The following RBFOX1 variants were observed in gnomAD, a reference collection of about 807,000 sequenced individuals.
The protein encoded by RBFOX1 is RNA binding fox-1 homolog 1.
Under a neutral mutation model 57.7 loss-of-function variants are expected in RBFOX1, and 8 were observed. The observed-to-expected ratio is 0.14, with a 90% CI of 0.08 to 0.25. The LOEUF is 0.25. Among genes scored for constraint, RBFOX1 ranks in the 10% least tolerant of loss-of-function variants. The pLI, the probability that RBFOX1 is intolerant of heterozygous loss-of-function variation, is 1.00. For missense variants in RBFOX1, 611 were observed against 548.5 expected, an observed-to-expected ratio of 1.11 and a Z score of -1.14; for synonymous variants, 326 against 222.4, an observed-to-expected ratio of 1.47 and a Z score of -4.15.
In RBFOX1 at chr16:5,947,376, C is replaced by T. The variant is rs2059421655; in HGVS notation, c.351+80041C>T. Among the ~76,000 whole-genome samples, 1 of 152,120 alleles carries T rather than the reference C, an allele frequency of 6.6e-6. No homozygotes were observed. The highest frequency in any genetic ancestry group is 1.5e-5 in the Non-Finnish European group (1 of 68,020). On this transcript the variant is annotated intron_variant, in intron 4 of 19. Transcript: ENST00000641259. This position sits in a 1 kb window ranked among gnomAD's most constrained non-coding sequence, Gnocchi z 7.2. ...TACATTGCAATGACAGATTTTTGTT[C>T]TGTTTTGTTTTCAGACAGGGTCTTG...
intron 2 of RBFOX1, among the ~76,000 whole-genome samples, chr16:6,544,749 T>C (rs1447728128): frequency 6.6e-6 from 1 of 152,186 alleles, no homozygotes; most frequent in Non-Finnish European, 1.5e-5. Flanking sequence ...CACATGGAGA[T>C]GATAACACTC....
intron 2 of RBFOX1, among the ~76,000 whole-genome samples, chr16:6,446,521 A>G (rs1468696276): frequency 6.6e-6 from 1 of 152,174 alleles, no homozygotes; most frequent in Non-Finnish European, 1.5e-5. Context: ...TACTCAATAT[A>G]TATGTATCAA....
intron 1 of RBFOX1, among the ~76,000 whole-genome samples, chr16:6,099,806 C>G (rs1479121833): frequency 1.3e-5 from 2 of 152,178 alleles, no homozygotes; most frequent in Non-Finnish European, 1.5e-5. Context: ...TCCGGGCATC[C>G]TTCCCTTTTC....
chr16:5,753,497 GC>G (rs1326491502), intron 3 of RBFOX1, among the ~76,000 whole-genome samples: 1 of 152,126 alleles, frequency 6.6e-6, no homozygotes, highest in Admixed American at 6.5e-5. Flanking sequence ...TAAATATGCG[GC>G]AACGGAGTTG....
intron 1 of RBFOX1, among the ~76,000 whole-genome samples, chr16:6,032,428 T>G (rs1034291399): frequency 6.6e-6 from 1 of 152,036 alleles, no homozygotes; most frequent in Non-Finnish European, 1.5e-5. Flanking sequence ...ATTGCTTCAC[T>G]GAAAGAAAGA....
intron 8 of RBFOX1, among the ~76,000 whole-genome samples, chr16:7,596,750 G>C (rs2094720911): frequency 6.6e-6 from 1 of 152,126 alleles, no homozygotes; most frequent in South Asian, 2.1e-4. Context: ...TACTCAGATT[G>C]TTAACCCCAT....
intron 4 of RBFOX1, among the ~76,000 whole-genome samples, chr16:6,008,551 C>T (rs983026410): frequency 9.2e-5 from 14 of 152,112 alleles, no homozygotes; most frequent in South Asian, 6.2e-4. Flanking sequence ...ATCAAGATTG[C>T]GGTTAAGGTT....
chr16:7,512,737 C>A (rs1211665574), intron 4 of RBFOX1, among the ~76,000 whole-genome samples: 1 of 152,218 alleles, frequency 6.6e-6, no homozygotes, highest in Non-Finnish European at 1.5e-5. Flanking sequence ...CCTTGCCTTT[C>A]CTCGGATAGC....
At chr16:7,264,994 G>C (rs2095071274) in intron 4 of RBFOX1, among the ~76,000 whole-genome samples, 1 of 152,174 alleles carries the variant, frequency 6.6e-6, no homozygotes, top group African/African-American at 2.4e-5. Flanking sequence ...GAATCCATTT[G>C]CGGTTTTCAA....
chr16:5,709,258 G>C (rs2051364207), intron 3 of RBFOX1, among the ~76,000 whole-genome samples: 1 of 152,156 alleles, frequency 6.6e-6, no homozygotes, highest in South Asian at 2.1e-4. Context: ...AGGATGCCAG[G>C]CAGCAAAGAC....
At chr16:5,866,016 G>A (rs1597557508) in intron 3 of RBFOX1, among the ~76,000 whole-genome samples, 1 of 152,120 alleles carries the variant, frequency 6.6e-6, no homozygotes, top group African/African-American at 2.4e-5. Flanking sequence ...TGCCCAGGCT[G>A]GAGTGCAATG....
rs571629797 is a variant in RBFOX1, at chr16:6,273,037, G to A, written c.-126-43958G>A. Among the ~76,000 whole-genome samples, 4 of 152,026 alleles carry A rather than the reference G, an allele frequency of 2.6e-5. No homozygotes were observed. In the East Asian group the frequency reaches 5.9e-4, roughly 22 times the overall value. On this transcript the variant is annotated intron_variant, in intron 1 of 15. Transcript: ENST00000550418. ...CACTTTGGGAGGCTGAGGCAGGTGA[G>A]TCACCCGAGGTCAGGAGTTCAAGAC... is the stretch of plus-strand genomic sequence containing the variant.
chr16:6,554,731 CACACACACACACACACACACACACACAG>C (rs1776518579), intron 2 of RBFOX1, among the ~76,000 whole-genome samples: 2 of 3,214 alleles, frequency 6.2e-4, no homozygotes, highest in Non-Finnish European at 8.5e-3. Context: ...CACAGACACA[CACACACACACACACACACACACACACAG>C]ACACACACAC....
At chr16:6,435,157 G>A (rs143550293) in intron 2 of RBFOX1, among the ~76,000 whole-genome samples, 19 of 152,058 alleles carry the variant, frequency 1.2e-4, no homozygotes, top group East Asian at 7.7e-4. Context: ...TCACTTTTTC[G>A]TAGTGAACGC....
intron 2 of RBFOX1, among the ~76,000 whole-genome samples, chr16:6,357,076 G>A (rs1600053548): frequency 6.6e-6 from 1 of 152,124 alleles, no homozygotes; most frequent in Admixed American, 6.5e-5. Context: ...TTTGGCCAAG[G>A]GAAGCAGCGC....
At chr16:5,664,893 C>A (rs544381987) in intron 3 of RBFOX1, among the ~76,000 whole-genome samples, 1 of 152,080 alleles carries the variant, frequency 6.6e-6, no homozygotes, top group African/African-American at 2.4e-5. Context: ...CACTTGGCCT[C>A]CTGCCCACCT....
chr16:5,601,012 T>G (rs899786029), downstream of RBFOX1, among the ~76,000 whole-genome samples: 1 of 152,004 alleles, frequency 6.6e-6, no homozygotes, highest in Non-Finnish European at 1.5e-5. Flanking sequence ...GTACCAGGAG[T>G]CTTGCAGCTT....
intron 11 of RBFOX1, among the ~76,000 whole-genome samples, chr16:7,649,054 T>G (rs1047498613): frequency 3.3e-5 from 5 of 151,994 alleles, no homozygotes; most frequent in Non-Finnish European, 5.9e-5. Context: ...TTGGATCTTG[T>G]GCAAAAAAAG....
At chr16:7,496,404 A>C (rs1426519103) in intron 4 of RBFOX1, among the ~76,000 whole-genome samples, 2 of 152,114 alleles carry the variant, frequency 1.3e-5, no homozygotes, top group African/African-American at 4.8e-5. Context: ...TGGCCTCCCA[A>C]AGTGTTGGGA....
Sources: gnomAD v4.1 joint callset for allele counts (sites outside exome capture counted in the v4.1 genomes callset) on GRCh38, gnomAD v4.1.1 for gene constraint, Gnocchi (gnomAD v3.1) non-coding constraint, MANE v1.5 for transcripts, NCBI Gene and HGNC (gene_info 2026-07-23, HGNC 2026-07-21) for gene names.